Variants in LILRB4 observed in about 807,000 individuals in gnomAD.
LILRB4 encodes leukocyte immunoglobulin like receptor B4, also known as leukocyte immunoglobulin-like receptor subfamily B member 4.
In LILRB4, 49 loss-of-function variants were observed where a neutral mutation model predicts 55.2. The observed-to-expected ratio is 0.89, with a 90% CI of 0.71 to 1.13. The LOEUF is 1.13. LILRB4 is among the 50% of genes most tolerant of loss of function. The pLI is 0.00. For synonymous variants in LILRB4, 229 were observed against 213.8 expected, an observed-to-expected ratio of 1.07 and a Z score of -0.62; for missense variants, 590 against 555.2, an observed-to-expected ratio of 1.06 and a Z score of -0.63.
At chr19:54,667,972 G>C (rs749880580) in exon 12 of LILRB4, 9 of 1,613,696 alleles carry the variant, frequency 5.6e-6, no homozygotes, top group African/African-American at 4.0e-5. Flanking sequence ...CCAGGAAGGG[G>C]CCTCTCCAGC....
exon 2 of LILRB4, chr19:54,663,534 C>G (rs374032556): frequency 3.1e-6 from 5 of 1,613,118 alleles, no homozygotes; most frequent in African/African-American, 1.3e-5. Flanking sequence ...TCTTCCAGGG[C>G]TGAGTCTGGG....
At chr19:54,667,078 C>G (rs897431034) in intron 10 of LILRB4, 1 of 623,420 alleles carries the variant, frequency 1.6e-6, no homozygotes, top group African/African-American at 1.8e-5. Context: ...GTGAGTGTTC[C>G]CAGGGAGCTC....
exon 12 of LILRB4, chr19:54,668,110 C>T: frequency 6.9e-7 from 1 of 1,454,206 alleles, no homozygotes; most frequent in Non-Finnish European, 9.5e-7. Context: ...TGAACCCCAG[C>T]CAGCCCAGAC....
Position 54,665,192 on chromosome 19 carries a change from G to T in LILRB4, c.757+12G>T, listed in dbSNP as rs767363519. On this transcript the variant is annotated intron_variant, in intron 6 of 11. Transcript: ENST00000430952. The surrounding 1 kb of genome is among the most constrained non-coding windows in gnomAD (Gnocchi z 5.5). ...AGTCCCCCACAGTGGTGAGTGAGGGGCTCTGAGTGGGAGGTGGGCAGGGTC... is the reference window on the plus strand; with the variant it reads ...AGTCCCCCACAGTGGTGAGTGAGGGTCTCTGAGTGGGAGGTGGGCAGGGTC... 1.3e-6 allele frequency: 2 copies of T among 1,590,336 alleles called. No individual in the cohort carries two copies. The highest frequency in any genetic ancestry group is 1.7e-6 in the Non-Finnish European group (2 of 1,167,008).
intron 3 of LILRB4, 37 bp downstream of exon 3, chr19:54,664,075 G>A (rs1488064619): frequency 1.2e-6 from 2 of 1,608,646 alleles, no homozygotes; most frequent in East Asian, 4.5e-5. Flanking sequence ...CCCAGGCTCT[G>A]CCCTCAGGAA....
At chr19:54,663,159 C>A in intron 1 of LILRB4, 92 bp downstream of exon 1, 1 of 1,466,738 alleles carries the variant, frequency 6.8e-7, no homozygotes. Flanking sequence ...TCAAAAATCT[C>A]AGGGTAGCCG....
rs1014800420 is a variant in LILRB4 at position 54,666,254 on chromosome 19, G to A, written c.889G>A (p.Asp297Asn). Residue 297 changes from aspartate to asparagine, a missense_variant, in exon 8 of 12, where the codon GAT becomes AAT. By Grantham distance (23) the Asp-to-Asn change is conservative. Coordinates refer to ENST00000430952, the Ensembl canonical transcript of LILRB4. The surrounding 1 kb of genome is among the most constrained non-coding windows in gnomAD (Gnocchi z 4.8). ...TCTTCCCCCAGCCCAGAGACAGGCT[G>A]ATTTCCAACGTCCTCCAGGGGCTGC... is the stretch of plus-strand genomic sequence containing the variant. The A allele has an allele frequency of 1.2e-6, 2 of 1,604,654 alleles. No individual in the cohort carries two copies. Among genetic ancestry groups the A allele is most frequent in the Admixed American group, 1.7e-5 (1 of 58,800 alleles).
At position 54,666,419 on chromosome 19, in the gene LILRB4, T is replaced by G. The variant is rs747511844; in HGVS notation, c.971T>G (p.Val324Gly). 6 of 1,614,130 alleles carry G rather than the reference T, an allele frequency of 3.7e-6. No homozygotes were observed. In the South Asian group the frequency reaches 5.5e-5, roughly 15 times the overall value. ...CCCAGGTCCAGCCCAGCTGCTGACGTCCAGGGAGAAAACTTCTGTGAGTGA... is the reference window on the plus strand; with the variant it reads ...CCCAGGTCCAGCCCAGCTGCTGACGGCCAGGGAGAAAACTTCTGTGAGTGA... The change falls in exon 9 of 12, where the codon GTC (valine) becomes GGC (glycine). Residue 324 changes from valine to glycine, a missense_variant. Val to Gly is a moderately radical substitution (Grantham distance 109). Transcript: ENST00000430952. The surrounding 1 kb of genome is among the most constrained non-coding windows in gnomAD (Gnocchi z 4.8).
In LILRB4 at chr19:54,666,685, C is replaced by G. The variant is rs763495411; in HGVS notation, c.989-12C>G. On this transcript the variant is annotated splice_polypyrimidine_tract_variant and intron_variant, in intron 9 of 11. Transcript: ENST00000430952. This position sits in a 1 kb window ranked among gnomAD's most constrained non-coding sequence, Gnocchi z 4.8. ...CTTCCCAGGAGATGAACCCCTTGCT[C>G]TACCCCAGCAGGTGCTGCCGTGAAG... 4 of 1,613,902 alleles carry G rather than the reference C, an allele frequency of 2.5e-6. No homozygotes were observed. The highest frequency in any genetic ancestry group is 3.4e-6 in the Non-Finnish European group (4 of 1,179,796).
At chr19:54,664,322 A>G (rs1215401135) in exon 4 of LILRB4, 2 of 1,614,050 alleles carry the variant, frequency 1.2e-6, no homozygotes, top group South Asian at 2.2e-5. Flanking sequence ...CCCATCCCCT[A>G]CTGCATCTGA....
intron 10 of LILRB4, chr19:54,667,291 T>A (rs2065325414): frequency 1.7e-6 from 1 of 583,060 alleles, no homozygotes. Context: ...AAGGGAGGGC[T>A]GTCTGCTCAG....
At position 54,666,348 on chromosome 19, in the gene LILRB4, C is replaced by G; in HGVS notation, c.950+33C>G. 1 of 1,610,640 alleles carries G rather than the reference C, an allele frequency of 6.2e-7. No individual in the cohort carries two copies. Among genetic ancestry groups the G allele is most frequent in the Non-Finnish European group, 8.5e-7 (1 of 1,178,082 alleles). On this transcript the variant is annotated intron_variant, in intron 8 of 11. Coordinates refer to ENST00000430952, the Ensembl canonical transcript of LILRB4. The surrounding 1 kb of genome is among the most constrained non-coding windows in gnomAD (Gnocchi z 4.8). ...TGCCCAAAGACCTCAGACTCCCACC[C>G]ATCCCAACAGCCACCTCACTGTCCC... is the stretch of plus-strand genomic sequence containing the variant.
intron 1 of LILRB4, among the ~76,000 whole-genome samples, 186 bp downstream of exon 1, chr19:54,663,253 T>C (rs532093301): frequency 4.9e-4 from 75 of 152,004 alleles, no homozygotes; most frequent in Non-Finnish European, 7.5e-4. Flanking sequence ...GAGACCATCC[T>C]GGCTAACACG....
exon 12 of LILRB4, chr19:54,668,302 A>G (rs2065388591): frequency 7.7e-6 from 3 of 389,750 alleles, no homozygotes; most frequent in Non-Finnish European, 1.4e-5. Flanking sequence ...TAAATATTAC[A>G]CATCAAACCA....
At position 54,665,135 on chromosome 19, in the gene LILRB4, C is replaced by T. The variant is rs2065207222; in HGVS notation, c.712C>T (p.Pro238Ser). 2 of 1,608,314 alleles carry T rather than the reference C, an allele frequency of 1.2e-6. No individual in the cohort carries two copies. Among genetic ancestry groups the T allele is most frequent in the African/African-American group, 1.3e-5 (1 of 74,698 alleles). Residue 238 changes from proline (P) to serine (S), a missense_variant, in exon 6 of 12, where the codon CCT (proline) becomes TCT (serine). Transcript: ENST00000430952. The surrounding 1 kb of genome is among the most constrained non-coding windows in gnomAD (Gnocchi z 5.5). ...ACATCCCTGTTCTAACCCAGCAGGC[C>T]CTGAGGACCAGCCCCTCATGCCTAC...
chr19:54,667,555 C>T lies in LILRB4; in HGVS notation c.1042-83C>T. ...CGTCAGGAAAGGGATGTAATCGGATCACCCTGGGAACAGTGGGGAAAATTG... is the reference window on the plus strand; with the variant it reads ...CGTCAGGAAAGGGATGTAATCGGATTACCCTGGGAACAGTGGGGAAAATTG... On this transcript the variant is annotated intron_variant, in intron 10 of 11. Transcript: ENST00000430952. 3 of 1,585,880 alleles carry T rather than the reference C, an allele frequency of 1.9e-6. No homozygotes were observed. In the East Asian group the frequency reaches 6.7e-5, roughly 35 times the overall value.
intron 10 of LILRB4, chr19:54,667,244 G>A (rs2065322145): frequency 1.7e-6 from 1 of 574,760 alleles, no homozygotes; most frequent in Non-Finnish European, 3.4e-6. Flanking sequence ...CAGGTAAAGG[G>A]CAGAGAGTGT....
chr19:54,663,840 C>G lies in LILRB4; in HGVS notation c.157C>G (p.Leu53Val), dbSNP rs200343521. 4.6e-5 allele frequency: 75 copies of G among 1,614,036 alleles called. 1 individual carries two copies. The East Asian group carries it at 4.7e-4, about 10-fold the overall frequency. ...TGTGACCATCTGGTGTCAGGGGACC[C>G]TGGAGGCTCGGGAGTACCGTCTGGA... is the stretch of plus-strand genomic sequence containing the variant. Residue 53 changes from leucine to valine, a missense_variant, in exon 3 of 12, where the codon CTG becomes GTG. Physicochemically the swap from Leu to Val is conservative, Grantham distance 32. Coordinates refer to ENST00000430952, the Ensembl canonical transcript of LILRB4.
chr19:54,666,690 C>G lies in LILRB4; in HGVS notation c.989-7C>G. ...CAGGAGATGAACCCCTTGCTCTACCCCAGCAGGTGCTGCCGTGAAGAACAC... is the reference window on the plus strand; with the variant it reads ...CAGGAGATGAACCCCTTGCTCTACCGCAGCAGGTGCTGCCGTGAAGAACAC... On this transcript the variant is annotated splice_polypyrimidine_tract_variant and splice_region_variant and intron_variant, in intron 9 of 11. Transcript: ENST00000430952. The surrounding 1 kb of genome is among the most constrained non-coding windows in gnomAD (Gnocchi z 4.8). 2 of 1,614,024 alleles carry G rather than the reference C, an allele frequency of 1.2e-6. No homozygotes were observed. Among genetic ancestry groups the G allele is most frequent in the Non-Finnish European group, 1.7e-6 (2 of 1,179,904 alleles).
Sources: gnomAD v4.1 joint callset for allele counts (sites outside exome capture counted in the v4.1 genomes callset) on GRCh38, gnomAD v4.1.1 for gene constraint, Gnocchi (gnomAD v3.1) non-coding constraint, MANE v1.5 for transcripts, NCBI Gene and HGNC (gene_info 2026-07-23, HGNC 2026-07-21) for gene names.